TRIM9: variants seen among roughly 807,000 people sequenced by gnomAD.
TRIM9 encodes the protein E3 ubiquitin-protein ligase TRIM9.
TRIM9 carries 26 observed loss-of-function variants against 78.3 expected under a neutral mutation model. The ratio of observed to expected loss-of-function variants is 0.33; its 90% confidence interval spans 0.24 to 0.46. The LOEUF is 0.46. Ranked by LOEUF, TRIM9 falls within the 20% of genes least tolerant of loss-of-function variation. The pLI is 1.00. For missense variants in TRIM9, 787 were observed against 1,036.4 expected (o/e 0.76, Z 3.30); for synonymous variants, 398 against 416.5 (o/e 0.96, Z 0.54).
rs1491187269 is a variant in TRIM9 at position 51,053,592 on chromosome 14, TTA to T, written c.823-28234_823-28233del. Among the ~76,000 whole-genome samples the T allele has an allele frequency of 4.5e-4, 52 of 115,570 alleles. 1 individual carries two copies. Among genetic ancestry groups the T allele is most frequent in the African/African-American group, 1.7e-3 (49 of 28,988 alleles). The allele number at this position is 115,570 out of a possible 152,430, so 75.8% of individuals were successfully genotyped here. ...ACTTTTTAATTTTCTTTTTTTTTTT[TTA>T]ATTTTTTTTTTTTTTATTATACTCT... On this transcript the variant is annotated intron_variant, in intron 1 of 12. Transcript: ENST00000684578.
At chr14:50,989,950 A>C (rs1337635267) in intron 7 of TRIM9, among the ~76,000 whole-genome samples, 3 of 152,196 alleles carry the variant, frequency 2.0e-5, no homozygotes, top group Admixed American at 6.5e-5. Context: ...GCTGGGGACC[A>C]CTTGTATTAT....
rs538641407 is a variant in TRIM9 at position 51,028,117 on chromosome 14, C to A, written c.823-2757G>T. Among the ~76,000 whole-genome samples the A allele has an allele frequency of 2.8e-4, 42 of 152,306 alleles. 1 individual carries two copies. The highest frequency in any genetic ancestry group is 2.6e-3 in the Admixed American group (39 of 15,294). ...AGTAGTAGACAAAGAGTTTTGGCCC[C>A]ATCTAGTCCCAGGATTTTATATGAC... is the stretch of plus-strand genomic sequence containing the variant. On this transcript the variant is annotated intron_variant, in intron 1 of 12. Transcript: ENST00000684578.
At chr14:51,069,879 G>A (rs976965293) in intron 1 of TRIM9, among the ~76,000 whole-genome samples, 1 of 152,106 alleles carries the variant, frequency 6.6e-6, no homozygotes, top group East Asian at 1.9e-4. Flanking sequence ...TATTATTTGT[G>A]TATTCTGTAT....
intron 6 of TRIM9, among the ~76,000 whole-genome samples, chr14:50,999,172 C>G (rs1038813287): frequency 1.3e-5 from 2 of 151,696 alleles, no homozygotes; most frequent in African/African-American, 4.8e-5. Context: ...GGGGGAGGAC[C>G]GCACTTTTGA....
intron 1 of TRIM9, among the ~76,000 whole-genome samples, chr14:51,080,469 ACACACACACACG>A (rs1468799528): frequency 6.8e-6 from 1 of 147,458 alleles, no homozygotes; most frequent in African/African-American, 2.5e-5. Flanking sequence ...ACACACACAC[ACACACACACACG>A]GAGAAACAAC....
intron 3 of TRIM9, among the ~76,000 whole-genome samples, chr14:51,010,842 G>A (rs1225333196): frequency 6.6e-6 from 1 of 152,108 alleles, no homozygotes; most frequent in Non-Finnish European, 1.5e-5. Context: ...TTTGCTGGGG[G>A]GTCTGTGGAG....
chr14:51,002,118 T>A (rs921897636), intron 5 of TRIM9, among the ~76,000 whole-genome samples: 1 of 152,058 alleles, frequency 6.6e-6, no homozygotes, highest in Non-Finnish European at 1.5e-5. Context: ...TGTGTGTGTG[T>A]GTGTGTGTTT....
chr14:51,086,846 G>C (rs1424144054), intron 1 of TRIM9, among the ~76,000 whole-genome samples: 2 of 152,176 alleles, frequency 1.3e-5, no homozygotes, highest in Admixed American at 1.3e-4. Flanking sequence ...AGTTTCTTGA[G>C]ACAGGCGTGT....
chr14:51,056,855 C>T (rs2060933783), intron 1 of TRIM9, among the ~76,000 whole-genome samples: 1 of 152,146 alleles, frequency 6.6e-6, no homozygotes, highest in Non-Finnish European at 1.5e-5. Flanking sequence ...CCTTATCTTC[C>T]CTCAAATCAA....
At chr14:51,093,828 A>T (rs1010989985) in intron 1 of TRIM9, among the ~76,000 whole-genome samples, 1 of 152,092 alleles carries the variant, frequency 6.6e-6, no homozygotes, top group African/African-American at 2.4e-5. Context: ...CTGGCTGCAG[A>T]CCCGCCGCGG....
intron 1 of TRIM9, among the ~76,000 whole-genome samples, chr14:51,068,713 T>C (rs1234412059): frequency 6.6e-6 from 1 of 152,156 alleles, no homozygotes; most frequent in Non-Finnish European, 1.5e-5. Context: ...AATAAGGATG[T>C]AAAGTTATGT....
At position 50,983,488 on chromosome 14, in the gene TRIM9, C is replaced by T. The variant is rs73288820; in HGVS notation, c.1793-67G>A. On this transcript the variant is annotated intron_variant, in intron 8 of 12. Coordinates refer to ENST00000684578, the MANE Select transcript of TRIM9 (RefSeq NM_001387360.1). Reference sequence around the variant, plus strand: ...CAGGTTGATAAAAATTACTTGTATACGCTTAAAAAGCACCAGTTGAATATA... The same window carrying T: ...CAGGTTGATAAAAATTACTTGTATATGCTTAAAAAGCACCAGTTGAATATA... 1.7e-3 allele frequency: 2,151 copies of T among 1,284,232 alleles called. 24 individuals are homozygous for T. The African/African-American group carries it at 0.024, about 15-fold the overall frequency. 79.6% of individuals were successfully genotyped at this position (1,284,232 alleles called of 1,614,324 possible).
chr14:51,022,770 G>C, intron 3 of TRIM9, 65 bp downstream of exon 3: 1 of 1,600,354 alleles, frequency 6.2e-7, no homozygotes. Context: ...CTCCCAGCCT[G>C]TCCATCATGC....
At chr14:50,984,750 C>T (rs2052466214) in intron 8 of TRIM9, among the ~76,000 whole-genome samples, 2 of 152,140 alleles carry the variant, frequency 1.3e-5, no homozygotes, top group African/African-American at 2.4e-5. Context: ...TAGAATAATG[C>T]TCTTAAATAC....
At chr14:51,032,810 A>G (rs2058845321) in intron 1 of TRIM9, among the ~76,000 whole-genome samples, 1 of 152,256 alleles carries the variant, frequency 6.6e-6, no homozygotes, top group East Asian at 1.9e-4. Context: ...TGCAATGCCT[A>G]GCATATTGTT....
chr14:51,072,191 T>C (rs542532798), intron 1 of TRIM9, among the ~76,000 whole-genome samples: 14 of 152,292 alleles, frequency 9.2e-5, no homozygotes, highest in Admixed American at 2.6e-4. Flanking sequence ...TTCCAGGAAA[T>C]GTATTTCTTT....
chr14:51,066,734 T>C (rs1480208376), intron 1 of TRIM9, among the ~76,000 whole-genome samples: 1 of 152,144 alleles, frequency 6.6e-6, no homozygotes, highest in Non-Finnish European at 1.5e-5. Context: ...AAAATGGAAA[T>C]GAGGTGCAGA....
At chr14:51,003,936 G>A (rs2055424176) in intron 5 of TRIM9, among the ~76,000 whole-genome samples, 1 of 152,172 alleles carries the variant, frequency 6.6e-6, no homozygotes, top group African/African-American at 2.4e-5. Context: ...ATATTTTATA[G>A]TGGGTGTTAT....
rs74966412 is a variant in TRIM9, at chr14:51,032,189, T to C, written c.823-6829A>G. ...CCATTATTCCATCAGATAGTAGGAATTGGGCCAGACAGAGCAATGGGGACC... is the reference window on the plus strand; with the variant it reads ...CCATTATTCCATCAGATAGTAGGAACTGGGCCAGACAGAGCAATGGGGACC... On this transcript the variant is annotated intron_variant, in intron 1 of 12. Coordinates refer to ENST00000684578, the MANE Select transcript of TRIM9 (RefSeq NM_001387360.1). Among the ~76,000 whole-genome samples the C allele has an allele frequency of 6.1e-3, 932 of 152,312 alleles. 3 individuals carry two copies. Among genetic ancestry groups the C allele is most frequent in the Non-Finnish European group, 9.7e-3 (658 of 68,020 alleles).
Sources: gnomAD v4.1 joint callset for allele counts (sites outside exome capture counted in the v4.1 genomes callset) on GRCh38, gnomAD v4.1.1 for gene constraint, MANE v1.5 for transcripts, NCBI Gene and HGNC (gene_info 2026-07-23, HGNC 2026-07-21) for gene names.